CORO7: variants seen among roughly 807,000 people sequenced by gnomAD.
The protein encoded by CORO7 is coronin 7.
In CORO7, 107 loss-of-function variants were observed where a neutral mutation model predicts 126.6. The observed-to-expected ratio is 0.85, with a 90% CI of 0.72 to 0.99. The LOEUF (loss-of-function observed/expected upper bound fraction) is 0.99, where lower values mean the gene tolerates loss of function less well. Ranked by LOEUF, CORO7 falls within the 50% of genes least tolerant of loss-of-function variation. The probability of loss-of-function intolerance (pLI) is 0.00; values close to 1 mark genes in which losing one functional copy is unlikely to be tolerated. For synonymous variants in CORO7, 603 were observed against 536.8 expected (o/e 1.12, Z -1.70); for missense variants, 1,314 against 1,255.8 (o/e 1.05, Z -0.70).
intron 9 of CORO7, among the ~76,000 whole-genome samples, chr16:4,384,732 T>A (rs144088229): frequency 9.6e-4 from 146 of 152,082 alleles, no homozygotes; most frequent in Middle Eastern, 3.4e-3. Context: ...CAGTGGGTGG[T>A]GGCAGTGGGC....
chr16:4,363,398 CTACTAAAGA>C (rs1164680592), intron 14 of CORO7, among the ~76,000 whole-genome samples: 1 of 150,618 alleles, frequency 6.6e-6, no homozygotes, highest in Non-Finnish European at 1.5e-5. Flanking sequence ...AAACCCGTCT[CTACTAAAGA>C]TACTAAAGAT....
chr16:4,395,005 G>A (rs1386148405), intron 7 of CORO7, among the ~76,000 whole-genome samples: 1 of 152,198 alleles, frequency 6.6e-6, no homozygotes, highest in Non-Finnish European at 1.5e-5. Context: ...GAAGGAAGTG[G>A]GAATCCCAGA....
intron 9 of CORO7, chr16:4,382,395 G>A: frequency 6.2e-7 from 1 of 1,612,164 alleles, no homozygotes; most frequent in African/African-American, 1.3e-5. Context: ...GCCCTGATAA[G>A]CGGCTGGTGA....
intron 9 of CORO7, among the ~76,000 whole-genome samples, chr16:4,370,879 G>A (rs1305681799): frequency 6.6e-6 from 1 of 152,254 alleles, no homozygotes; most frequent in Non-Finnish European, 1.5e-5. Context: ...TGGAGGGGGT[G>A]TGGGTGTCCC....
intron 9 of CORO7, among the ~76,000 whole-genome samples, chr16:4,377,219 C>A (rs996878723): frequency 1.9e-4 from 29 of 152,154 alleles, no homozygotes; most frequent in Non-Finnish European, 5.9e-5. Context: ...CTTCCCACCC[C>A]CCGACGTCCC....
chr16:4,372,543 T>C (rs2054573979), intron 9 of CORO7, among the ~76,000 whole-genome samples: 1 of 152,116 alleles, frequency 6.6e-6, no homozygotes, highest in Non-Finnish European at 1.5e-5. Flanking sequence ...GATGGACCTG[T>C]ACTGGCCAGG....
At chr16:4,410,851 A>G (rs553963444) in intron 3 of CORO7, among the ~76,000 whole-genome samples, 18 of 152,314 alleles carry the variant, frequency 1.2e-4, no homozygotes, top group Admixed American at 3.3e-4. Flanking sequence ...CTATACATCA[A>G]TGAATGGGCG....
In CORO7 at chr16:4,359,173, G is replaced by A. The variant is rs1050548997; in HGVS notation, c.2340+123C>T. Reference sequence around the variant, plus strand: ...TTGCCAGTCACTGGGCACAGCCCCAGGCCCAGCCCCAGCCCAGGACTCTGA... The same window carrying A: ...TTGCCAGTCACTGGGCACAGCCCCAAGCCCAGCCCCAGCCCAGGACTCTGA... On this transcript the variant is annotated intron_variant, in intron 23 of 27. Transcript: ENST00000251166. 1.2e-4 allele frequency: 130 copies of A among 1,125,184 alleles called. 2 individuals carry two copies. The South Asian group carries it at 2.1e-3, about 18-fold the overall frequency. 69.7% of individuals were successfully genotyped at this position (1,125,184 alleles called of 1,614,324 possible). A position where few individuals can be genotyped will look rare whatever the true frequency, so the allele number is the denominator to read the frequency against.
intron 9 of CORO7, among the ~76,000 whole-genome samples, chr16:4,380,418 A>G (rs2054914413): frequency 6.6e-6 from 1 of 152,232 alleles, no homozygotes; most frequent in Non-Finnish European, 1.5e-5. Flanking sequence ...TGGCAGCAGG[A>G]GCCGGCGGCC....
intron 9 of CORO7, among the ~76,000 whole-genome samples, chr16:4,379,760 A>C (rs1020033554): frequency 6.6e-6 from 1 of 151,776 alleles, no homozygotes; most frequent in African/African-American, 2.4e-5. Context: ...ACAGTAGACG[A>C]AGCCGGGCAC....
At chr16:4,373,437 G>C (rs1251120769) in intron 9 of CORO7, among the ~76,000 whole-genome samples, 7 of 152,180 alleles carry the variant, frequency 4.6e-5, no homozygotes, top group Non-Finnish European at 1.5e-5. Context: ...ATGGGGCTGG[G>C]GGCTGGGGTC....
intron 1 of CORO7, among the ~76,000 whole-genome samples, chr16:4,416,251 A>G (rs1295120675): frequency 1.3e-5 from 2 of 152,088 alleles, no homozygotes; most frequent in Non-Finnish European, 2.9e-5. Context: ...CGAGCGCCAG[A>G]GCGAGTCACG....
rs1269970788 is a variant in CORO7, at chr16:4,364,622, C to G, written c.1112G>C (p.Ser371Thr). Residue 371 changes from serine (S) to threonine (T), a missense_variant, in exon 13 of 28, where the codon AGC (serine) becomes ACC (threonine). Coordinates refer to ENST00000251166, the MANE Select transcript of CORO7 (RefSeq NM_024535.5). ...CTGCTGGTTGTCCCCAGCCCACCAGCTATGGGGGTCGGTGGCAGGCACACA... is the reference window on the plus strand; with the variant it reads ...CTGCTGGTTGTCCCCAGCCCACCAGGTATGGGGGTCGGTGGCAGGCACACA... The part of the protein sequence containing the change: ...AGCVPATDPH[S>T]WWAGDNQQVQ... 1 of 1,569,780 alleles carries G rather than the reference C, an allele frequency of 6.4e-7. No individual in the cohort carries two copies. Among genetic ancestry groups the G allele is most frequent in the Non-Finnish European group, 8.6e-7 (1 of 1,158,212 alleles).
At chr16:4,360,697 G>C in intron 19 of CORO7, 149 bp from the exon 20 acceptor site, 2 of 1,278,886 alleles carry the variant, frequency 1.6e-6, no homozygotes, top group Non-Finnish European at 2.1e-6. Flanking sequence ...TCTCCTCACT[G>C]CTGGCCCCCC....
At position 4,412,401 on chromosome 16, in the gene CORO7, G is replaced by T; in HGVS notation, c.187C>A (p.Gln63Lys). 6.2e-7 allele frequency: 1 copy of T among 1,614,122 alleles called. No homozygotes were observed. The highest frequency in any genetic ancestry group is 8.5e-7 in the Non-Finnish European group (1 of 1,180,028). Reference protein sequence around the residue: ...GVLGIVPLQGQGEDKRRVAHL... With the variant: ...GVLGIVPLQGKGEDKRRVAHL... Reference sequence around the variant, plus strand: ...GCCACGCGTCGCTTGTCCTCTCCTTGGCCTTGCAGAGGCACAATGCCCAGT... The same window carrying T: ...GCCACGCGTCGCTTGTCCTCTCCTTTGCCTTGCAGAGGCACAATGCCCAGT... The change falls in exon 3 of 28, where the codon CAA becomes AAA. Residue 63 changes from glutamine (Q) to lysine (K), a missense_variant. Coordinates refer to ENST00000251166, the MANE Select transcript of CORO7 (RefSeq NM_024535.5).
intron 6 of CORO7, 106 bp from the exon 7 acceptor site, chr16:4,395,445 C>T: frequency 6.8e-7 from 1 of 1,474,296 alleles, no homozygotes; most frequent in African/African-American, 1.4e-5. Context: ...GCAGCCCATC[C>T]CCAGCACGCA....
chr16:4,365,810 G>A (rs534740248), intron 9 of CORO7, among the ~76,000 whole-genome samples: 208 of 152,212 alleles, frequency 1.4e-3, no homozygotes, highest in African/African-American at 4.7e-3. Context: ...AGGGGAACTC[G>A]GGCCCGATCT....
chr16:4,412,316 C>A lies in CORO7; in HGVS notation c.232+40G>T, dbSNP rs749627867. 1.4e-5 allele frequency: 22 copies of A among 1,609,544 alleles called. No homozygotes were observed. In the Admixed American group the frequency reaches 3.5e-4, roughly 26 times the overall value. The stretch of plus-strand genomic sequence containing the variant: ...ATTTCTGGCCCTGGAGAGGGAGGTG[C>A]AAGTTTCAGGCTTCACCCACTAGTC... On this transcript the variant is annotated intron_variant, in intron 3 of 27. Transcript: ENST00000251166.
At chr16:4,380,091 T>C (rs912908565) in intron 9 of CORO7, among the ~76,000 whole-genome samples, 1 of 149,340 alleles carries the variant, frequency 6.7e-6, no homozygotes, top group African/African-American at 2.5e-5. Context: ...TGAATGACTC[T>C]GCAGAGTTTT....
Sources: gnomAD v4.1 joint callset for allele counts (sites outside exome capture counted in the v4.1 genomes callset) on GRCh38, gnomAD v4.1.1 for gene constraint, MANE v1.5 for transcripts, NCBI Gene and HGNC (gene_info 2026-07-23, HGNC 2026-07-21) for gene names.